Variants in ABCB4 observed in about 807,000 individuals in gnomAD.
ABCB4 encodes ATP binding cassette subfamily B member 4.
A neutral mutation model predicts 145.7 loss-of-function variants in ABCB4; 76 were observed. The ratio of observed to expected loss-of-function variants is 0.52; its 90% CI spans 0.43 to 0.63. The LOEUF is 0.63. Among genes scored for constraint, ABCB4 ranks in the 30% least tolerant of loss-of-function variants. The pLI, the probability that ABCB4 is intolerant of heterozygous loss-of-function variation, is 0.00. For missense variants in ABCB4, 1,234 were observed against 1,553.1 expected, an observed-to-expected ratio of 0.79 and a Z score of 3.45; for synonymous variants, 517 against 566.8, an observed-to-expected ratio of 0.91 and a Z score of 1.25.
intron 12 of ABCB4, among the ~76,000 whole-genome samples, chr7:87,441,331 T>G (rs930565923): frequency 6.6e-6 from 1 of 152,134 alleles, no homozygotes; most frequent in African/African-American, 2.4e-5. Context: ...AGCACTGGGT[T>G]TTATCATTTT....
At chr7:87,433,683 T>TG (rs1315917140) in intron 14 of ABCB4, among the ~76,000 whole-genome samples, 2 of 150,002 alleles carry the variant, frequency 1.3e-5, no homozygotes, top group African/African-American at 4.9e-5. Context: ...TTGTTTTTTT[T>TG]TTTTTTTTTT....
intron 22 of ABCB4, among the ~76,000 whole-genome samples, chr7:87,412,800 T>G (rs1808713705): frequency 6.6e-6 from 1 of 152,230 alleles, no homozygotes; most frequent in Non-Finnish European, 1.5e-5. Flanking sequence ...CATAATTAGC[T>G]TCACCTTTCT....
At chr7:87,448,241 G>A (rs1051403488) in intron 8 of ABCB4, among the ~76,000 whole-genome samples, 4 of 151,680 alleles carry the variant, frequency 2.6e-5, no homozygotes, top group Admixed American at 1.3e-4. Context: ...GACACTTCGA[G>A]GGGAAAATAT....
At chr7:87,437,207 C>T (rs1045171038) in intron 14 of ABCB4, among the ~76,000 whole-genome samples, 1 of 152,186 alleles carries the variant, frequency 6.6e-6, no homozygotes, top group African/African-American at 2.4e-5. Flanking sequence ...GGAGTCTAAT[C>T]CTCTGGACAC....
the ABCB4 span, chr7:87,391,492 GTC>G: frequency 1.6e-5 from 20 of 1,214,894 alleles, no homozygotes; most frequent in African/African-American, 3.0e-4. Flanking sequence ...AAAGGGCTTA[GTC>G]TCTGAACAAA....
At chr7:87,456,534 C>T (rs1158207736) in intron 4 of ABCB4, among the ~76,000 whole-genome samples, 1 of 152,198 alleles carries the variant, frequency 6.6e-6, no homozygotes, top group Non-Finnish European at 1.5e-5. Flanking sequence ...CACCTTCCCT[C>T]ACTGAGTAAA....
chr7:87,382,550 A>T, the ABCB4 span: 1 of 1,606,438 alleles, frequency 6.2e-7, no homozygotes, highest in Non-Finnish European at 8.5e-7. Context: ...GACAGTAAGG[A>T]CCATTCAGTT....
intron 25 of ABCB4, 153 bp from the exon 26 acceptor site, chr7:87,406,647 T>C (rs1808219603): frequency 2.5e-6 from 2 of 786,848 alleles, no homozygotes; most frequent in East Asian, 2.7e-5. Flanking sequence ...GAGGCCAGCA[T>C]GGCCAACATG....
chr7:87,377,348 G>A, the ABCB4 span: 1 of 1,578,442 alleles, frequency 6.3e-7, no homozygotes, highest in Non-Finnish European at 8.6e-7. Context: ...ATTTATTTTA[G>A]ATTATTGCAG....
Position 87,406,336 on chromosome 7 carries a change from A to G in ABCB4, c.3438T>C (p.Ser1146=). 1 of 1,614,160 alleles carries G rather than the reference A, an allele frequency of 6.2e-7. No individual in the cohort carries two copies. The highest frequency in any genetic ancestry group is 1.1e-5 in the South Asian group (1 of 91,084). Residue 1146 remains serine (S), a synonymous_variant, in exon 26 of 28, where the codon AGT becomes AGC. Transcript: ENST00000649586. ...SRVVSQDEIV[S]AAKAANIHPF... ...GATGTATGTTGGCAGCTTTGGCTGC[A>G]CTCACAATTTCATCCTGTGATACAA...
downstream of ABCB4, among the ~76,000 whole-genome samples, chr7:87,397,779 C>T (rs1448950392): frequency 6.6e-6 from 1 of 152,208 alleles, no homozygotes; most frequent in Admixed American, 6.5e-5. Flanking sequence ...TAACTTAAAG[C>T]ACATGTTGAA....
chr7:87,403,309 T>C, intron 26 of ABCB4, 28 bp from the exon 27 acceptor site: 1 of 1,596,578 alleles, frequency 6.3e-7, no homozygotes, highest in Non-Finnish European at 8.6e-7. Flanking sequence ...TATAAATATG[T>C]TGAATGAACT....
the ABCB4 span, chr7:87,392,819 A>G: frequency 6.2e-7 from 1 of 1,613,134 alleles, no homozygotes; most frequent in Non-Finnish European, 8.5e-7. Flanking sequence ...ACTTTTTTCC[A>G]AAAGGTAATA....
At chr7:87,449,532 C>G (rs920714617) in intron 8 of ABCB4, among the ~76,000 whole-genome samples, 6 of 151,366 alleles carry the variant, frequency 4.0e-5, no homozygotes, top group African/African-American at 1.5e-4. Flanking sequence ...ATTCTGGGCT[C>G]AAGGGATTCT....
chr7:87,472,513 C>T (rs1431299065), intron 3 of ABCB4, 108 bp downstream of exon 3: 39 of 1,008,096 alleles, frequency 3.9e-5, no homozygotes, highest in Non-Finnish European at 3.8e-5. Context: ...TATGAGTCAG[C>T]TCGCCTAGCT....
chr7:87,404,969 TA>T (rs917970950), intron 26 of ABCB4, among the ~76,000 whole-genome samples: 1 of 152,238 alleles, frequency 6.6e-6, no homozygotes, highest in Non-Finnish European at 1.5e-5. Flanking sequence ...CAGTGGCTTA[TA>T]AACTAAACAT....
At chr7:87,400,886 A>C (rs1584660587), downstream of ABCB4, among the ~76,000 whole-genome samples, 1 of 151,840 alleles carries the variant, frequency 6.6e-6, no homozygotes, top group African/African-American at 2.4e-5. Context: ...CTGCACAGAA[A>C]CCTCCTCTCA....
rs368480654 is a variant in ABCB4, at chr7:87,419,796, AC to A, written c.2394+201del. On this transcript the variant is annotated intron_variant, in intron 19 of 27. Coordinates refer to ENST00000649586, the MANE Select transcript of ABCB4 (RefSeq NM_000443.4). ...ATAAAGCCTATTTCTATGAAAAAAA[AC>A]AAAAACAAAAAAAAAACAAAAAAAA... is the stretch of plus-strand genomic sequence containing the variant. Among the ~76,000 whole-genome samples, 106,659 of 134,866 alleles carry A rather than the reference AC, an allele frequency of 0.79. 42,479 individuals are homozygous for A. The highest frequency in any genetic ancestry group is 0.88 in the Middle Eastern group (234 of 266). The allele number at this position is 134,866 out of a possible 152,430, so 88.5% of individuals were successfully genotyped here. A position where few individuals can be genotyped will look rare whatever the true frequency, so the allele number is the denominator to read the frequency against.
intron 3 of ABCB4, among the ~76,000 whole-genome samples, chr7:87,468,413 G>T (rs966903782): frequency 7.9e-6 from 1 of 127,340 alleles, no homozygotes; most frequent in Non-Finnish European, 1.6e-5. Flanking sequence ...ACCAAAAAAA[G>T]TCCAGGACCA....
Sources: gnomAD v4.1 joint callset for allele counts (sites outside exome capture counted in the v4.1 genomes callset) on GRCh38, gnomAD v4.1.1 for gene constraint, MANE v1.5 for transcripts, NCBI Gene and HGNC (gene_info 2026-07-23, HGNC 2026-07-21) for gene names.